The following CGNL1 variants were observed in gnomAD, a reference collection of about 807,000 sequenced individuals.
CGNL1 encodes the protein cingulin like 1.
Under a neutral mutation model 141.2 loss-of-function variants are expected in CGNL1, and 132 were observed. That is an observed-to-expected ratio of 0.93 (90% CI 0.81 to 1.08). The LOEUF (loss-of-function observed/expected upper bound fraction) is 1.08. Among genes scored for constraint, CGNL1 ranks in the 50% least tolerant of loss-of-function variants. CGNL1 has a pLI of 0.00. For missense variants in CGNL1, 1,870 were observed against 1,588.6 expected, an observed-to-expected ratio of 1.18 and a Z score of -3.01; for synonymous variants, 690 against 622.1, an observed-to-expected ratio of 1.11 and a Z score of -1.63.
chr15:57,462,876 T>C (rs1460908730), intron 8 of CGNL1, among the ~76,000 whole-genome samples: 1 of 151,932 alleles, frequency 6.6e-6, no homozygotes, highest in Non-Finnish European at 1.5e-5. Flanking sequence ...CCTGTCTTAT[T>C]TTTTTTTAGA....
At chr15:57,505,874 G>A (rs1228958485) in intron 8 of CGNL1, among the ~76,000 whole-genome samples, 3 of 152,192 alleles carry the variant, frequency 2.0e-5, no homozygotes, top group Admixed American at 1.3e-4. Context: ...AAAATGGCAT[G>A]ATTTTTATAA....
At chr15:57,516,732 G>A in intron 8 of CGNL1, 48 bp from the exon 9 acceptor site, 2 of 1,576,644 alleles carry the variant, frequency 1.3e-6, no homozygotes, top group Non-Finnish European at 1.7e-6. Context: ...CCTGGGGACA[G>A]CTCCTTGACA....
chr15:57,445,071 G>T (rs150642295), intron 4 of CGNL1, among the ~76,000 whole-genome samples: 1 of 152,232 alleles, frequency 6.6e-6, no homozygotes, highest in African/African-American at 2.4e-5. Context: ...AGACCAGCCT[G>T]GGCAATGTAG....
intron 8 of CGNL1, among the ~76,000 whole-genome samples, chr15:57,490,935 C>T (rs775510928): frequency 1.4e-4 from 21 of 152,164 alleles, no homozygotes; most frequent in Non-Finnish European, 2.6e-4. Context: ...GAGGAACATC[C>T]TGCAAATATA....
At chr15:57,478,431 C>T (rs1362667297) in intron 8 of CGNL1, 1 of 152,230 alleles carries the variant, frequency 6.6e-6, no homozygotes, top group Non-Finnish European at 1.5e-5. Flanking sequence ...CCTGGTTAAA[C>T]ATCCTCAAGT....
intron 1 of CGNL1, among the ~76,000 whole-genome samples, chr15:57,412,404 C>T (rs1232153305): frequency 3.3e-5 from 5 of 152,220 alleles, no homozygotes; most frequent in African/African-American, 4.8e-5. Context: ...TTACTCTGCT[C>T]TCCTCTGGCC....
At chr15:57,395,850 G>A (rs561019964) in intron 1 of CGNL1, among the ~76,000 whole-genome samples, 57 of 145,442 alleles carry the variant, frequency 3.9e-4, no homozygotes, top group Non-Finnish European at 7.8e-4. Flanking sequence ...GCCATGGTAC[G>A]AACCAAGTTA....
chr15:57,509,632 A>T (rs1306311973), intron 8 of CGNL1, among the ~76,000 whole-genome samples: 1 of 152,208 alleles, frequency 6.6e-6, no homozygotes, highest in Non-Finnish European at 1.5e-5. Context: ...AACACTTCTA[A>T]ATGTGGGTGT....
At chr15:57,460,996 G>A (rs2063438735) in intron 7 of CGNL1, among the ~76,000 whole-genome samples, 2 of 152,100 alleles carry the variant, frequency 1.3e-5, no homozygotes, top group African/African-American at 4.8e-5. Flanking sequence ...CTGTGAGGGC[G>A]AGTCCTGAGC....
intron 1 of CGNL1, among the ~76,000 whole-genome samples, chr15:57,403,186 C>T (rs1186378006): frequency 6.6e-6 from 1 of 152,170 alleles, no homozygotes; most frequent in African/African-American, 2.4e-5. Context: ...GTGGCAACCT[C>T]CATGGTGGTC....
intron 8 of CGNL1, among the ~76,000 whole-genome samples, chr15:57,491,068 T>A (rs2063854923): frequency 6.6e-6 from 1 of 152,024 alleles, no homozygotes. Context: ...CTGAGTGGGA[T>A]CAAGAGTCAG....
At position 57,516,979 on chromosome 15, in the gene CGNL1, A is replaced by G; in HGVS notation, c.2603A>G (p.Lys868Arg). The G allele has an allele frequency of 1.2e-6, 2 of 1,612,924 alleles. No individual in the cohort carries two copies. The highest frequency in any genetic ancestry group is 1.7e-6 in the Non-Finnish European group (2 of 1,179,824). ...DEAKAKETLK[K>R]YEGEIRQLEE... ...GCCAAGGCGAAGGAAACGCTGAAGA[A>G]GTACGAGGTGAGGCTCGCTGGGCCC... Residue 868 changes from lysine to arginine, a missense_variant, in exon 9 of 19, where the codon AAG (lysine) becomes AGG (arginine). Physicochemically the swap from Lys to Arg is conservative, Grantham distance 26. Coordinates refer to ENST00000281282, the MANE Select transcript of CGNL1 (RefSeq NM_032866.5).
intron 8 of CGNL1, among the ~76,000 whole-genome samples, chr15:57,496,143 G>A (rs985849800): frequency 6.6e-6 from 1 of 152,102 alleles, no homozygotes; most frequent in Non-Finnish European, 1.5e-5. Context: ...GCTTACCAAG[G>A]CGACAAATAC....
intron 8 of CGNL1, among the ~76,000 whole-genome samples, chr15:57,466,608 T>A (rs2063514303): frequency 6.6e-6 from 1 of 152,324 alleles, no homozygotes; most frequent in South Asian, 2.1e-4. Context: ...GTCATCATCT[T>A]CTACTTGGTA....
chr15:57,447,246 C>G (rs1225406295), intron 4 of CGNL1, among the ~76,000 whole-genome samples: 4 of 152,222 alleles, frequency 2.6e-5, no homozygotes, highest in African/African-American at 4.8e-5. Flanking sequence ...GATGTAGTCC[C>G]TTTCCAGTGC....
intron 1 of CGNL1, among the ~76,000 whole-genome samples, chr15:57,415,221 A>G (rs1433103889): frequency 1.3e-5 from 2 of 152,244 alleles, no homozygotes; most frequent in African/African-American, 2.4e-5. Flanking sequence ...AAGATGCCCA[A>G]TTCCTAATCC....
At chr15:57,456,259 G>C (rs781551451) in intron 7 of CGNL1, among the ~76,000 whole-genome samples, 1 of 152,162 alleles carries the variant, frequency 6.6e-6, no homozygotes, top group East Asian at 1.9e-4. Flanking sequence ...TTAACACAAT[G>C]AGCATTAAAC....
At chr15:57,486,997 A>C (rs1331317473) in intron 8 of CGNL1, among the ~76,000 whole-genome samples, 2 of 152,184 alleles carry the variant, frequency 1.3e-5, no homozygotes, top group African/African-American at 2.4e-5. Context: ...TAGATTATCT[A>C]CTTCTTTGCT....
At chr15:57,385,909 A>G (rs1480516143) in intron 1 of CGNL1, among the ~76,000 whole-genome samples, 1 of 152,236 alleles carries the variant, frequency 6.6e-6, no homozygotes, top group Non-Finnish European at 1.5e-5. Flanking sequence ...ATGTCAGTAG[A>G]GCCAAGGCTA....
Sources: allele counts gnomAD v4.1 joint callset (sites outside exome capture counted in the v4.1 genomes callset), GRCh38; gene constraint gnomAD v4.1.1; transcripts MANE v1.5; gene names NCBI Gene and HGNC (gene_info 2026-07-23, HGNC 2026-07-21).